The following DENND1C variants were observed in gnomAD, a reference collection of about 807,000 sequenced individuals.
DENND1C encodes DENN domain-containing protein 1C.
DENND1C carries 64 observed loss-of-function variants against 87.9 expected under a neutral mutation model. That is an observed-to-expected ratio of 0.73 (90% CI 0.60 to 0.90). The LOEUF is 0.90. Ranked by LOEUF, DENND1C falls within the 40% of genes least tolerant of loss-of-function variation. DENND1C has a pLI of 0.00. For synonymous variants in DENND1C, 384 were observed against 424.4 expected, an observed-to-expected ratio of 0.90 and a Z score of 1.17; for missense variants, 980 against 1,037.0, an observed-to-expected ratio of 0.95 and a Z score of 0.76.
At chr19:6,471,539 C>G (rs775951974) in intron 15 of DENND1C, 43 bp from the exon 16 acceptor site, 442 of 1,482,844 alleles carry the variant, frequency 3.0e-4, no homozygotes, top group Non-Finnish European at 3.9e-4. Context: ...GGAGACACAT[C>G]TGAATGCCAG....
At position 6,479,734 on chromosome 19, in the gene DENND1C, A is replaced by G. The variant is rs2092887111; in HGVS notation, c.127-16T>C. 6.2e-7 allele frequency: 1 copy of G among 1,613,842 alleles called. No individual in the cohort carries two copies. The highest frequency in any genetic ancestry group is 8.5e-7 in the Non-Finnish European group (1 of 1,179,840). ...GCATAGCTTCCTGGAGGTGAAGAAAAGCGCAGACTGCTTGGCCACTGAGGT... is the reference window on the plus strand; with the variant it reads ...GCATAGCTTCCTGGAGGTGAAGAAAGGCGCAGACTGCTTGGCCACTGAGGT... On this transcript the variant is annotated splice_polypyrimidine_tract_variant and intron_variant, in intron 3 of 22. Transcript: ENST00000381480.
rs1357503560 is a variant in DENND1C, at chr19:6,467,803, G to T, written c.2107C>A (p.Leu703Ile). Residue 703 changes from leucine to isoleucine, a missense_variant, in exon 23 of 23, where the codon CTC (leucine) becomes ATC (isoleucine). Physicochemically the swap from Leu to Ile is conservative, Grantham distance 5. Coordinates refer to ENST00000381480, the MANE Select transcript of DENND1C (RefSeq NM_024898.4). Reference protein sequence around the residue: ...STAQENPTPWLSTAPTEPSPP... With the variant: ...STAQENPTPWISTAPTEPSPP... ...CTGGGCTCAGTGGGTGCAGTGGAGA[G>T]CCAGGGAGTGGGGTTTTCCTGGGCT... is the stretch of plus-strand genomic sequence containing the variant. 1.3e-6 allele frequency: 2 copies of T among 1,540,380 alleles called. No individual in the cohort carries two copies. Among genetic ancestry groups the T allele is most frequent in the African/African-American group, 2.8e-5 (2 of 72,400 alleles).
rs772636717 is a variant in DENND1C at position 6,469,592 on chromosome 19, T to C, written c.1407+4A>G. 3.1e-6 allele frequency: 5 copies of C among 1,604,122 alleles called. No individual in the cohort carries two copies. In the Admixed American group the frequency reaches 6.8e-5, roughly 22 times the overall value. ...AGCCACTGCACCCGGCCAGTTGATC[T>C]TACCTTATACATTAGAAGGCTCTGC... On this transcript the variant is annotated splice_donor_region_variant and intron_variant, in intron 19 of 22. Transcript: ENST00000381480.
chr19:6,467,767 T>C lies in DENND1C; in HGVS notation c.2143A>G (p.Ser715Gly), dbSNP rs755943484. ...TTTGTGGGGGCCAGAATTTGGGGGCTTTCTGGAGGGCTGGGCTCAGTGGGT... is the reference window on the plus strand; with the variant it reads ...TTTGTGGGGGCCAGAATTTGGGGGCCTTCTGGAGGGCTGGGCTCAGTGGGT... Reference protein sequence around the residue: ...TAPTEPSPPESPQILAPTKPN... With the variant: ...TAPTEPSPPEGPQILAPTKPN... The change falls in exon 23 of 23, where the codon AGC becomes GGC. Residue 715 changes from serine (S) to glycine (G), a missense_variant. Transcript: ENST00000381480. 4 of 1,521,654 alleles carry C rather than the reference T, an allele frequency of 2.6e-6. No homozygotes were observed. Among genetic ancestry groups the C allele is most frequent in the African/African-American group, 1.4e-5 (1 of 71,664 alleles). The allele number at this position is 1,521,654 out of a possible 1,614,324, so 94.3% of individuals were successfully genotyped here.
At chr19:6,477,329 C>G (rs755706969) in intron 7 of DENND1C, 46 bp from the exon 8 acceptor site, 2 of 1,608,320 alleles carry the variant, frequency 1.2e-6, no homozygotes, top group African/African-American at 2.7e-5. Flanking sequence ...TGGGACGCAG[C>G]CTTCCCATCC....
rs760807759 is a variant in DENND1C at position 6,468,944 on chromosome 19, A to G, written c.1417T>C (p.Ser473Pro). 6 of 1,432,162 alleles carry G rather than the reference A, an allele frequency of 4.2e-6. No homozygotes were observed. The South Asian group carries it at 8.6e-5, about 21-fold the overall frequency. The allele number at this position is 1,432,162 out of a possible 1,614,324, so 88.7% of individuals were successfully genotyped here. ...QSLLMYKDGD[S>P]VLQRGGSLRA... is the part of the protein sequence containing the mutation. ...AGAGAGCCCCCCCTCTGCAGGACAG[A>G]GTCCCCATCCTAGGAAGAGAAGAGT... Residue 473 changes from serine to proline, a missense_variant, in exon 20 of 23, where the codon TCT (serine) becomes CCT (proline). Transcript: ENST00000381480.
chr19:6,471,782 ACAGG>A (rs2092830919), intron 15 of DENND1C, among the ~76,000 whole-genome samples: 2 of 152,150 alleles, frequency 1.3e-5, no homozygotes, highest in Non-Finnish European at 2.9e-5. Flanking sequence ...AGCTGGGATT[ACAGG>A]CATGCACCAC....
chr19:6,478,159 C>T (rs1399368886), intron 6 of DENND1C, among the ~76,000 whole-genome samples: 1 of 152,094 alleles, frequency 6.6e-6, no homozygotes, highest in Non-Finnish European at 1.5e-5. Context: ...ACTATAGCTT[C>T]GAACTCCTGG....
chr19:6,479,139 C>T, intron 4 of DENND1C, 83 bp from the exon 5 acceptor site: 1 of 1,575,968 alleles, frequency 6.3e-7, no homozygotes, highest in Non-Finnish European at 8.6e-7. Flanking sequence ...GCTCCTAGGA[C>T]CCTGAGTGTA....
intron 14 of DENND1C, among the ~76,000 whole-genome samples, 157 bp from the exon 15 acceptor site, chr19:6,473,150 G>T (rs2092838653): frequency 6.6e-6 from 1 of 152,122 alleles, no homozygotes; most frequent in African/African-American, 2.4e-5. Context: ...GCTGTTTTTT[G>T]TTTGTTTGTT....
Position 6,469,239 on chromosome 19 carries a change from C to T in DENND1C, c.1408-286G>A, listed in dbSNP as rs191119920. ...AGAGATGGGGTTTCACCATGTTGGT[C>T]GGGCTGGTCTAGAACTCCTGACCTC... On this transcript the variant is annotated intron_variant, in intron 19 of 22. Coordinates refer to ENST00000381480, the MANE Select transcript of DENND1C (RefSeq NM_024898.4). Among the ~76,000 whole-genome samples, 31 of 152,244 alleles carry T rather than the reference C, an allele frequency of 2.0e-4. No homozygotes were observed. In the East Asian group the frequency reaches 5.8e-3, roughly 28 times the overall value.
intron 20 of DENND1C, 67 bp downstream of exon 20, chr19:6,468,779 G>T: frequency 1.4e-6 from 2 of 1,429,034 alleles, no homozygotes; most frequent in African/African-American, 1.4e-5. Flanking sequence ...GTCTGGATGG[G>T]GACTGGGATG....
chr19:6,467,381 G>T lies in DENND1C; in HGVS notation c.*123C>A, dbSNP rs1478375911. ...AGAGGCTGCCCTTGGAGGGACAGAG[G>T]TGGGTGGGATGGATTTCCGAGCAGA... On this transcript the variant is annotated 3_prime_UTR_variant, in exon 23 of 23. Transcript: ENST00000381480. 1 of 1,320,942 alleles carries T rather than the reference G, an allele frequency of 7.6e-7. No individual in the cohort carries two copies. The highest frequency in any genetic ancestry group is 2.6e-5 in the East Asian group (1 of 37,762). The allele number at this position is 1,320,942 out of a possible 1,614,324, so 81.8% of individuals were successfully genotyped here.
Position 6,471,473 on chromosome 19 carries a change from C to T in DENND1C, c.1182G>A (p.Lys394=). ...CTGAGAAGCCCTCCCCCTTGTTGAG[C>T]TTCTCCAGCCGGGCTTCGATGAACT... ...FKQFIEARLE[K]LNKGEGFSDQ... Residue 394 remains lysine (K), a synonymous_variant, in exon 16 of 23, where the codon AAG becomes AAA. Coordinates refer to ENST00000381480, the MANE Select transcript of DENND1C (RefSeq NM_024898.4). The T allele has an allele frequency of 1.3e-6, 2 of 1,571,524 alleles. No homozygotes were observed. Among genetic ancestry groups the T allele is most frequent in the South Asian group, 1.2e-5 (1 of 85,702 alleles).
intron 16 of DENND1C, 35 bp from the exon 17 acceptor site, chr19:6,471,340 G>C: frequency 6.3e-7 from 1 of 1,592,426 alleles, no homozygotes; most frequent in Non-Finnish European, 8.6e-7. Context: ...GTCACCGAAG[G>C]CTGGCTGAGG....
rs1054273892 is a variant in DENND1C at position 6,480,514 on chromosome 19, C to T, written c.18-463G>A. The T allele has an allele frequency of 4.6e-5, 45 of 974,476 alleles. No homozygotes were observed. The African/African-American group carries it at 7.7e-4, about 17-fold the overall frequency. 60.4% of individuals were successfully genotyped at this position (974,476 alleles called of 1,614,324 possible). A position where few individuals can be genotyped will look rare whatever the true frequency, so the allele number is the denominator to read the frequency against. On this transcript the variant is annotated intron_variant, in intron 1 of 22. Transcript: ENST00000381480. ...TGTCTGTCTGTCTCTGTCTATCCAT[C>T]CATCCATCCATCCACCCACCCACCC...
chr19:6,471,439 C>A lies in DENND1C; in HGVS notation c.1216G>T (p.Glu406Ter). ...NKGEGFSDQF[E>*]QEITGCGASS... ...GCCCCGCAGCCAGTGATCTCCTGCT[C>A]GAATTGATCTGAGAAGCCCTCCCCC... Residue 406 changes from glutamate to a stop codon, truncating the protein, a stop_gained, in exon 16 of 23, where the codon GAG (glutamate) becomes TAG (stop). Transcript: ENST00000381480. LOFTEE classifies it high-confidence loss of function. 6.3e-7 allele frequency: 1 copy of A among 1,586,610 alleles called. No individual in the cohort carries two copies.
chr19:6,479,636 C>T, intron 4 of DENND1C, 33 bp downstream of exon 4: 1 of 1,613,720 alleles, frequency 6.2e-7, no homozygotes. Flanking sequence ...GATCTGAGTC[C>T]CTGAGTCCTT....
chr19:6,477,293 A>G lies in DENND1C; in HGVS notation c.448-10T>C, dbSNP rs775774479. 1.9e-6 allele frequency: 3 copies of G among 1,595,954 alleles called. No homozygotes were observed. The Admixed American group carries it at 5.1e-5, about 27-fold the overall frequency. ...CCGTCACTCCGCTGCCCTGGGGAAG[A>G]GGCACGACTCTGTGGTCATGATGGC... is the stretch of plus-strand genomic sequence containing the variant. On this transcript the variant is annotated splice_polypyrimidine_tract_variant and intron_variant, in intron 7 of 22. Transcript: ENST00000381480.
Sources: gnomAD v4.1 joint callset for allele counts (sites outside exome capture counted in the v4.1 genomes callset) on GRCh38, gnomAD v4.1.1 for gene constraint, MANE v1.5 for transcripts, NCBI Gene and HGNC (gene_info 2026-07-23, HGNC 2026-07-21) for gene names.